Variants in MYO3B observed in about 807,000 individuals in gnomAD.
The protein encoded by MYO3B is myosin-IIIb.
In MYO3B, 156 loss-of-function variants were observed where a neutral mutation model predicts 174.6. The ratio of observed to expected loss-of-function variants is 0.89; its 90% CI spans 0.78 to 1.02. The LOEUF (loss-of-function observed/expected upper bound fraction) is 1.02. Ranked by LOEUF, MYO3B falls within the 50% of genes least tolerant of loss-of-function variation. The pLI is 0.00. For synonymous variants in MYO3B, 563 were observed against 569.1 expected, an observed-to-expected ratio of 0.99 and a Z score of 0.15; for missense variants, 1,632 against 1,639.4, an observed-to-expected ratio of 1.00 and a Z score of 0.08.
chr2:170,245,284 T>C (rs1290260649), intron 7 of MYO3B, among the ~76,000 whole-genome samples: 2 of 152,162 alleles, frequency 1.3e-5, no homozygotes, highest in African/African-American at 4.8e-5. Flanking sequence ...CCTGGTGAAC[T>C]GTATAGGCTG....
chr2:170,529,633 G>A (rs79991176), intron 30 of MYO3B, among the ~76,000 whole-genome samples: 1,941 of 152,136 alleles, frequency 0.013, 39 homozygotes, highest in African/African-American at 0.044. Context: ...TGGTACCTAC[G>A]TTGTATCCTC....
At chr2:170,402,358 A>T (rs541708854) in intron 18 of MYO3B, among the ~76,000 whole-genome samples, 28 of 152,314 alleles carry the variant, frequency 1.8e-4, no homozygotes, top group Non-Finnish European at 3.2e-4. Flanking sequence ...AATCAAAGAG[A>T]CATTTTATGA....
chr2:170,498,731 TC>T (rs747039252), intron 26 of MYO3B, 28 bp downstream of exon 26: 2 of 1,412,060 alleles, frequency 1.4e-6, no homozygotes, highest in South Asian at 2.3e-5. Flanking sequence ...GTTCAAATTG[TC>T]CCGTATGATT....
At chr2:170,553,547 C>A (rs576780520) in intron 32 of MYO3B, among the ~76,000 whole-genome samples, 8 of 144,732 alleles carry the variant, frequency 5.5e-5, no homozygotes, top group Non-Finnish European at 1.2e-4. Flanking sequence ...TTAGAAGTAA[C>A]TAACCTGTTT....
intron 1 of MYO3B, among the ~76,000 whole-genome samples, chr2:170,196,374 G>A (rs1284839538): frequency 2.0e-5 from 3 of 152,158 alleles, no homozygotes; most frequent in Non-Finnish European, 2.9e-5. Flanking sequence ...TTAGCTGGGT[G>A]TGGTAGCACA....
chr2:170,418,911 G>A (rs2094598084), intron 22 of MYO3B, among the ~76,000 whole-genome samples: 1 of 152,166 alleles, frequency 6.6e-6, no homozygotes, highest in African/African-American at 2.4e-5. Context: ...AAGGTAACTA[G>A]AGAGCAAGAG....
intron 25 of MYO3B, among the ~76,000 whole-genome samples, chr2:170,485,386 A>AACACAC (rs370436580): frequency 0.013 from 1,715 of 136,692 alleles, 43 homozygotes; most frequent in African/African-American, 0.045. Context: ...ATCCTTTCAG[A>AACACAC]ACACACACAC....
intron 7 of MYO3B, among the ~76,000 whole-genome samples, chr2:170,264,217 A>G (rs1001842833): frequency 1.3e-4 from 20 of 152,206 alleles, no homozygotes; most frequent in Non-Finnish European, 1.8e-4. Flanking sequence ...ACATAGACAC[A>G]GTAACAGTCT....
At chr2:170,191,043 T>C (rs2092534370) in intron 1 of MYO3B, among the ~76,000 whole-genome samples, 1 of 151,934 alleles carries the variant, frequency 6.6e-6, no homozygotes, top group South Asian at 2.1e-4. Flanking sequence ...GCCCAAGTGC[T>C]CTTATTAGCA....
chr2:170,405,684 T>C, intron 21 of MYO3B, 51 bp downstream of exon 21: 1 of 1,422,346 alleles, frequency 7.0e-7, no homozygotes, highest in Non-Finnish European at 9.9e-7. Flanking sequence ...AGGGTAAGTG[T>C]CTGTATTACC....
At position 170,296,402 on chromosome 2, in the gene MYO3B, A is replaced by C. The variant is rs540252706; in HGVS notation, c.750-38983A>C. On this transcript the variant is annotated intron_variant, in intron 7 of 34. Coordinates refer to ENST00000408978, the MANE Select transcript of MYO3B (RefSeq NM_138995.5). ...GGTGGTTAGTGGTACAGCTACACTC[A>C]CATGGTACACCACAAGAGGGGTATT... Among the ~76,000 whole-genome samples, 9 of 152,334 alleles carry C rather than the reference A, an allele frequency of 5.9e-5. No homozygotes were observed. The South Asian group carries it at 1.9e-3, about 32-fold the overall frequency.
At chr2:170,530,811 TA>T (rs537551102) in intron 30 of MYO3B, among the ~76,000 whole-genome samples, 44 of 152,282 alleles carry the variant, frequency 2.9e-4, no homozygotes, top group Admixed American at 1.7e-3. Flanking sequence ...AACTTCATAT[TA>T]AAAGTGGTGG....
At chr2:170,484,961 T>A (rs111345413) in intron 25 of MYO3B, among the ~76,000 whole-genome samples, 7 of 152,152 alleles carry the variant, frequency 4.6e-5, no homozygotes, top group Non-Finnish European at 1.0e-4. Context: ...AGAAAATTAT[T>A]TATATGGATT....
chr2:170,364,138 T>C (rs2094181393), intron 8 of MYO3B, among the ~76,000 whole-genome samples: 1 of 152,106 alleles, frequency 6.6e-6, no homozygotes, highest in Admixed American at 6.6e-5. Context: ...GTCCACTGAG[T>C]TGAGGACTCT....
intron 32 of MYO3B, among the ~76,000 whole-genome samples, chr2:170,546,656 A>G (rs1357097026): frequency 6.6e-6 from 1 of 152,236 alleles, no homozygotes; most frequent in Non-Finnish European, 1.5e-5. Flanking sequence ...AGAACAAATT[A>G]GTTTTTCCGT....
intron 7 of MYO3B, among the ~76,000 whole-genome samples, chr2:170,308,408 G>C (rs1265451945): frequency 2.6e-5 from 4 of 152,164 alleles, no homozygotes; most frequent in African/African-American, 9.7e-5. Flanking sequence ...CTACAGAAAG[G>C]CACCTCCCTG....
At chr2:170,564,770 C>A (rs756509128) in intron 32 of MYO3B, among the ~76,000 whole-genome samples, 20 of 151,720 alleles carry the variant, frequency 1.3e-4, no homozygotes, top group Non-Finnish European at 2.2e-4. Flanking sequence ...ATTCTACAGC[C>A]ACACTGTAGA....
At chr2:170,547,900 G>A (rs1690635763) in intron 32 of MYO3B, among the ~76,000 whole-genome samples, 2 of 151,936 alleles carry the variant, frequency 1.3e-5, no homozygotes, top group South Asian at 4.2e-4. Flanking sequence ...AGGCGTAGAG[G>A]GTGAGTTTGG....
intron 25 of MYO3B, among the ~76,000 whole-genome samples, chr2:170,473,706 T>C (rs1685126466): frequency 1.3e-5 from 2 of 152,160 alleles, no homozygotes; most frequent in Non-Finnish European, 2.9e-5. Context: ...AGTTAATACA[T>C]TGAAAGGCTA....
Sources: gnomAD v4.1 joint callset for allele counts (sites outside exome capture counted in the v4.1 genomes callset) on GRCh38, gnomAD v4.1.1 for gene constraint, MANE v1.5 for transcripts, NCBI Gene and HGNC (gene_info 2026-07-23, HGNC 2026-07-21) for gene names.